Variants in PTPRM observed in about 807,000 individuals in gnomAD.
PTPRM encodes protein tyrosine phosphatase receptor type M.
PTPRM carries 47 observed loss-of-function variants against 186.7 expected under a neutral mutation model. The ratio of observed to expected loss-of-function variants is 0.25; its 90% CI spans 0.20 to 0.32. The LOEUF is 0.32. Among genes scored for constraint, PTPRM ranks in the 10% least tolerant of loss-of-function variants. The pLI, the probability that PTPRM is intolerant of heterozygous loss-of-function variation, is 1.00. For synonymous variants in PTPRM, 668 were observed against 674.9 expected, an observed-to-expected ratio of 0.99 and a Z score of 0.16; for missense variants, 1,494 against 1,865.0, an observed-to-expected ratio of 0.80 and a Z score of 3.66.
chr18:8,056,646 T>C (rs994933276), intron 7 of PTPRM, among the ~76,000 whole-genome samples: 1 of 151,192 alleles, frequency 6.6e-6, no homozygotes, highest in African/African-American at 2.4e-5. Context: ...AAAAGATAAA[T>C]GCACATTAGA....
At chr18:7,804,941 A>G (rs1252677412) in intron 2 of PTPRM, among the ~76,000 whole-genome samples, 1 of 152,200 alleles carries the variant, frequency 6.6e-6, no homozygotes, top group Non-Finnish European at 1.5e-5. Flanking sequence ...CATTTCTGTC[A>G]TTTGTGCCTT....
At chr18:8,240,777 GGAGAGAGAGAGAGAGA>G (rs747648655) in intron 14 of PTPRM, among the ~76,000 whole-genome samples, 28 of 57,362 alleles carry the variant, frequency 4.9e-4, no homozygotes, top group African/African-American at 1.8e-3. Flanking sequence ...AGAGAGAGAG[GGAGAGAGAGAGAGAGA>G]GAGAGAGAGA....
intron 2 of PTPRM, among the ~76,000 whole-genome samples, chr18:7,837,837 G>A (rs1432921985): frequency 6.6e-6 from 1 of 152,132 alleles, no homozygotes; most frequent in African/African-American, 2.4e-5. Context: ...TATTTTCCTG[G>A]ATGGTCTTGA....
intron 1 of PTPRM, among the ~76,000 whole-genome samples, chr18:7,649,849 C>A (rs2038654297): frequency 7.8e-6 from 1 of 128,830 alleles, no homozygotes; most frequent in Admixed American, 7.0e-5. Context: ...AGACCTTCCA[C>A]CACAAAAAAA....
intron 1 of PTPRM, among the ~76,000 whole-genome samples, chr18:7,753,128 ATGTT>A (rs557408771): frequency 2.2e-4 from 34 of 152,200 alleles, no homozygotes; most frequent in Non-Finnish European, 4.1e-4. Context: ...TTGACTGAAC[ATGTT>A]TGTTTGGAAA....
intron 13 of PTPRM, among the ~76,000 whole-genome samples, chr18:8,120,758 G>T (rs2092141754): frequency 6.6e-6 from 1 of 152,056 alleles, no homozygotes; most frequent in African/African-American, 2.4e-5. Context: ...GCCTCCCAAA[G>T]TGCTGGGATT....
intron 2 of PTPRM, among the ~76,000 whole-genome samples, chr18:7,865,260 A>G (rs1445902625): frequency 2.0e-5 from 3 of 152,138 alleles, no homozygotes; most frequent in Non-Finnish European, 4.4e-5. Context: ...GAGAGAGGGC[A>G]TCTTTGTCTT....
At chr18:7,643,620 A>AT (rs1207011199) in intron 1 of PTPRM, among the ~76,000 whole-genome samples, 2 of 152,170 alleles carry the variant, frequency 1.3e-5, no homozygotes, top group African/African-American at 4.8e-5. Flanking sequence ...GATTACAGGC[A>AT]TGAGCCACTG....
intron 2 of PTPRM, among the ~76,000 whole-genome samples, chr18:7,886,983 G>T: frequency 6.6e-6 from 1 of 152,146 alleles, no homozygotes; most frequent in East Asian, 1.9e-4. Context: ...TACCGTGTAT[G>T]TGTGTGTTTA....
chr18:7,602,938 T>TATTATG (rs2037441096), intron 1 of PTPRM, among the ~76,000 whole-genome samples: 1 of 143,750 alleles, frequency 7.0e-6, no homozygotes, highest in African/African-American at 2.6e-5. Flanking sequence ...TTATTATTAT[T>TATTATG]ATTATTTGAG....
intron 7 of PTPRM, among the ~76,000 whole-genome samples, chr18:7,986,804 T>A (rs2147560908): frequency 6.6e-6 from 1 of 152,304 alleles, no homozygotes; most frequent in Non-Finnish European, 1.5e-5. Flanking sequence ...GTATTATAGA[T>A]TGTGACTATA....
chr18:7,927,847 C>G (rs961965246), intron 5 of PTPRM, among the ~76,000 whole-genome samples: 2 of 152,102 alleles, frequency 1.3e-5, no homozygotes, highest in African/African-American at 2.4e-5. Context: ...ATCAAGTGAT[C>G]CTCCTGCCTC....
chr18:8,247,454 G>T (rs551620134), intron 15 of PTPRM, among the ~76,000 whole-genome samples: 2 of 152,306 alleles, frequency 1.3e-5, no homozygotes, highest in South Asian at 4.1e-4. Flanking sequence ...TTGACATTGG[G>T]AATCGTCTCC....
At chr18:8,062,950 G>T (rs1301669749) in intron 7 of PTPRM, among the ~76,000 whole-genome samples, 1 of 147,554 alleles carries the variant, frequency 6.8e-6, no homozygotes, top group Non-Finnish European at 1.5e-5. Context: ...AGCCTACAGA[G>T]GCAGGCAGGC....
chr18:8,016,779 G>A (rs1418425511), intron 7 of PTPRM, among the ~76,000 whole-genome samples: 4 of 152,094 alleles, frequency 2.6e-5, no homozygotes, highest in Admixed American at 6.5e-5. Context: ...CTAGAAATGC[G>A]GCATTCATTT....
rs146174857 is a variant in PTPRM, at chr18:7,822,915, G to A, written c.196+48644G>A. Among the ~76,000 whole-genome samples, 11 of 152,110 alleles carry A rather than the reference G, an allele frequency of 7.2e-5. No homozygotes were observed. The East Asian group carries it at 1.2e-3, about 16-fold the overall frequency. On this transcript the variant is annotated intron_variant, in intron 2 of 32. Coordinates refer to ENST00000580170, the MANE Select transcript of PTPRM (RefSeq NM_001105244.2). ...GTGCTGTGGGCCAGGCTTGCTCTCCGGGGAACATTTGTTGTATAGTCTCCG... is the reference window on the plus strand; with the variant it reads ...GTGCTGTGGGCCAGGCTTGCTCTCCAGGGAACATTTGTTGTATAGTCTCCG...
chr18:8,029,856 C>T (rs1239596606), intron 7 of PTPRM, among the ~76,000 whole-genome samples: 2 of 152,208 alleles, frequency 1.3e-5, no homozygotes, highest in Non-Finnish European at 2.9e-5. Flanking sequence ...GAGATTGAAA[C>T]TTTCCTGCCC....
chr18:7,658,363 TACAC>T (rs57183909), intron 1 of PTPRM, among the ~76,000 whole-genome samples: 3 of 142,072 alleles, frequency 2.1e-5, no homozygotes, highest in Admixed American at 7.0e-5. Flanking sequence ...TATATATACA[TACAC>T]ACACACACAC....
intron 2 of PTPRM, among the ~76,000 whole-genome samples, chr18:7,829,807 G>T (rs1051328863): frequency 6.6e-6 from 1 of 152,030 alleles, no homozygotes; most frequent in African/African-American, 2.4e-5. Context: ...CTCCTGTGTT[G>T]GGAATTGGAA....
Sources: allele counts gnomAD v4.1 joint callset (sites outside exome capture counted in the v4.1 genomes callset), GRCh38; gene constraint gnomAD v4.1.1; transcripts MANE v1.5; gene names NCBI Gene and HGNC (gene_info 2026-07-23, HGNC 2026-07-21).